TBC1D8B: variants seen among roughly 807,000 people sequenced by gnomAD.
TBC1D8B encodes TBC1 domain family member 8B, also known as RP11-321G1.1.
A neutral mutation model predicts 82.9 loss-of-function variants in TBC1D8B; 75 were observed. The ratio of observed to expected loss-of-function variants is 0.90; its 90% confidence interval spans 0.75 to 1.10. TBC1D8B has a LOEUF of 1.10. Ranked by LOEUF, TBC1D8B falls within the 50% of genes least tolerant of loss-of-function variation. The pLI is 0.00. For synonymous variants in TBC1D8B, 276 were observed against 276.8 expected (o/e 1.00, Z 0.03); for missense variants, 794 against 796.9 (o/e 1.00, Z 0.04).
At chrX:106,829,979 A>G (rs1321704959) in intron 7 of TBC1D8B, 5 of 111,849 alleles carry the variant, frequency 4.5e-5, no homozygotes, top group African/African-American at 1.6e-4. Context: ...CTGCACAGCA[A>G]AAGAAACAAC....
chrX:106,872,098 C>T (rs1217552077), intron 20 of TBC1D8B, among the ~76,000 whole-genome samples: 1 of 110,197 alleles, frequency 9.1e-6, no homozygotes, highest in Admixed American at 9.8e-5. Flanking sequence ...TGAGGTAAGA[C>T]CCTTTCTAGG....
intron 12 of TBC1D8B, among the ~76,000 whole-genome samples, chrX:106,851,291 G>A (rs757870987): frequency 7.1e-5 from 8 of 112,133 alleles, no homozygotes; most frequent in Admixed American, 1.9e-4. Context: ...TTGGGAGGCC[G>A]AGGCAGAATA....
At position 106,826,022 on chromosome X, in the gene TBC1D8B, T is replaced by C. The variant is rs760232017; in HGVS notation, c.828-8T>C. 1.7e-6 allele frequency: 2 copies of C among 1,205,074 alleles called. No homozygotes were observed. The highest frequency in any genetic ancestry group is 3.5e-5 in the African/African-American group (2 of 57,488). ...TTTGTGCCTTATCCCATTTTTTCTT[T>C]CCTACAGAGGTCTGGAAAATAGAGC... On this transcript the variant is annotated splice_region_variant and splice_polypyrimidine_tract_variant and intron_variant, in intron 5 of 20. Coordinates refer to ENST00000357242, the MANE Select transcript of TBC1D8B (RefSeq NM_017752.3).
At chrX:106,847,728 A>G (rs1300594444) in intron 10 of TBC1D8B, among the ~76,000 whole-genome samples, 2 of 111,647 alleles carry the variant, frequency 1.8e-5, no homozygotes, top group Non-Finnish European at 3.8e-5. Context: ...GAAGAATCCT[A>G]CTTGATAGGG....
chrX:106,865,164 A>T (rs1287054201), intron 14 of TBC1D8B, among the ~76,000 whole-genome samples: 1 of 111,649 alleles, frequency 9.0e-6, no homozygotes, highest in African/African-American at 3.3e-5. Flanking sequence ...ACATCTCCCA[A>T]TGCCTTTGAA....
rs151206406 is a variant in TBC1D8B, at chrX:106,865,601, T to C, written c.2395T>C (p.Leu799=). 86 of 1,197,844 alleles carry C rather than the reference T, an allele frequency of 7.2e-5. No individual in the cohort carries two copies. The African/African-American group carries it at 1.3e-3, about 18-fold the overall frequency. ...AGATGTGAAATTGAGCCTTCAAGAATTGGATGAACTTTATGTCATCTTTAA... is the reference window on the plus strand; with the variant it reads ...AGATGTGAAATTGAGCCTTCAAGAACTGGATGAACTTTATGTCATCTTTAA... ...SQDVKLSLQE[L]DELYVIFKKE... Residue 799 remains leucine (L), a synonymous_variant, in exon 15 of 21, where the codon TTG becomes CTG. Coordinates refer to ENST00000357242, the MANE Select transcript of TBC1D8B (RefSeq NM_017752.3).
intron 10 of TBC1D8B, among the ~76,000 whole-genome samples, chrX:106,847,735 A>T (rs1038953327): frequency 4.5e-5 from 5 of 111,688 alleles, no homozygotes; most frequent in African/African-American, 1.6e-4. Flanking sequence ...CCTACTTGAT[A>T]GGGGAAAGAA....
chrX:106,819,809 G>T (rs975145629), intron 2 of TBC1D8B, among the ~76,000 whole-genome samples: 2 of 110,376 alleles, frequency 1.8e-5, no homozygotes, highest in Non-Finnish European at 3.8e-5. Context: ...TTTAAAAAAA[G>T]GCCTTTCTAC....
intron 18 of TBC1D8B, 52 bp downstream of exon 18, chrX:106,868,528 G>T: frequency 2.4e-6 from 2 of 842,201 alleles, no homozygotes; most frequent in Non-Finnish European, 1.6e-6. Context: ...CACCCATAAA[G>T]ATCTTGCTGA....
chrX:106,869,495 T>C lies in TBC1D8B; in HGVS notation c.2823T>C (p.Pro941=), dbSNP rs148547661. The C allele has an allele frequency of 8.3e-7, 1 of 1,208,113 alleles. No individual in the cohort carries two copies. The highest frequency in any genetic ancestry group is 1.1e-6 in the Non-Finnish European group (1 of 893,050). The change falls in exon 19 of 21, where the codon CCT becomes CCC. Residue 941 remains proline (P), a synonymous_variant. Transcript: ENST00000357242. ...CATCTTTTCTTATAGTTTCCAAGCC[T>C]GCAAATGAGAAGGAAGCAGAATCAG... The part of the protein sequence containing the change: ...LYFSQLHVSK[P]ANEKEAESAK...
Position 106,850,355 on chromosome X carries a change from G to A in TBC1D8B, c.2123+45G>A, listed in dbSNP as rs753915659. On this transcript the variant is annotated intron_variant, in intron 12 of 20. Transcript: ENST00000357242. Reference sequence around the variant, plus strand: ...ATTTAAATCTGGAGGAGATTTGAGAGATGATGTTGTTCAATCCCCTATTTT... The same window carrying A: ...ATTTAAATCTGGAGGAGATTTGAGAAATGATGTTGTTCAATCCCCTATTTT... 7.2e-6 allele frequency: 8 copies of A among 1,113,222 alleles called. No homozygotes were observed. The East Asian group carries it at 2.5e-4, about 34-fold the overall frequency. The allele number at this position is 1,113,222 out of a possible 1,213,427, so 91.7% of individuals were successfully genotyped here. A position where few individuals can be genotyped will look rare whatever the true frequency, so the allele number is the denominator to read the frequency against.
At chrX:106,870,912 A>G (rs1932844249) in intron 20 of TBC1D8B, 99 bp downstream of exon 20, 3 of 497,828 alleles carry the variant, frequency 6.0e-6, no homozygotes, top group Non-Finnish European at 9.7e-6. Flanking sequence ...CAAAATAGTT[A>G]AATAATCTAT....
At position 106,865,866 on chromosome X, in the gene TBC1D8B, A is replaced by G. The variant is rs764349408; in HGVS notation, c.2495A>G (p.Tyr832Cys). The G allele has an allele frequency of 2.5e-6, 3 of 1,211,164 alleles. No individual in the cohort carries two copies. In the South Asian group the frequency reaches 5.3e-5, roughly 21 times the overall value. The change falls in exon 16 of 21, where the codon TAT becomes TGT. Residue 832 changes from tyrosine to cysteine, a missense_variant. Tyr to Cys is a radical substitution (Grantham distance 194). Transcript: ENST00000357242. ...AAGCATCATGACCCCAGTCTGCCAT[A>G]TTTGGAACAGTATCAGATTGACTGC... ...VLKHHDPSLP[Y>C]LEQYQIDCQQ...
At chrX:106,807,624 T>G (rs1389310997) in intron 1 of TBC1D8B, among the ~76,000 whole-genome samples, 1 of 111,513 alleles carries the variant, frequency 9.0e-6, no homozygotes, top group Admixed American at 9.5e-5. Context: ...AAGGCTGCCC[T>G]TTCTTATTCA....
chrX:106,806,378 G>A (rs753345613), intron 1 of TBC1D8B, among the ~76,000 whole-genome samples: 1 of 112,170 alleles, frequency 8.9e-6, no homozygotes, highest in East Asian at 2.8e-4. Flanking sequence ...GTCCCCTTAT[G>A]TTATCTCTTG....
At chrX:106,811,242 G>A (rs893472363) in intron 1 of TBC1D8B, among the ~76,000 whole-genome samples, 5 of 111,793 alleles carry the variant, frequency 4.5e-5, no homozygotes, top group Non-Finnish European at 9.4e-5. Context: ...ACAAGGTATA[G>A]GGCTGGGCAC....
At chrX:106,813,000 G>C (rs903041993) in intron 1 of TBC1D8B, among the ~76,000 whole-genome samples, 1 of 110,807 alleles carries the variant, frequency 9.0e-6, no homozygotes, top group Non-Finnish European at 1.9e-5. Flanking sequence ...TGGGATTACA[G>C]GCACCTGCCA....
At chrX:106,830,875 G>A (rs921227169) in intron 7 of TBC1D8B, among the ~76,000 whole-genome samples, 4 of 108,325 alleles carry the variant, frequency 3.7e-5, no homozygotes, top group Non-Finnish European at 7.7e-5. Context: ...CAGCGCACCA[G>A]CATGGCACAT....
intron 7 of TBC1D8B, among the ~76,000 whole-genome samples, chrX:106,832,857 A>AT (rs1179401629): frequency 9.0e-6 from 1 of 111,016 alleles, no homozygotes; most frequent in Non-Finnish European, 1.9e-5. Flanking sequence ...AACATAACTG[A>AT]TTTTTTCTTG....
Sources: gnomAD v4.1 joint callset for allele counts (sites outside exome capture counted in the v4.1 genomes callset) on GRCh38, gnomAD v4.1.1 for gene constraint, MANE v1.5 for transcripts, NCBI Gene and HGNC (gene_info 2026-07-23, HGNC 2026-07-21) for gene names.